PCDH15: variants seen among roughly 807,000 people sequenced by gnomAD.
PCDH15 encodes protocadherin-15.
PCDH15 carries 129 observed loss-of-function variants against 178.5 expected under a neutral mutation model. That is an observed-to-expected ratio of 0.72 (90% confidence interval 0.63 to 0.84). The LOEUF (loss-of-function observed/expected upper bound fraction) is 0.84. Among genes scored for constraint, PCDH15 ranks in the 40% least tolerant of loss-of-function variants. The probability of loss-of-function intolerance (pLI) is 0.00; values close to 1 mark genes in which losing one functional copy is unlikely to be tolerated. For synonymous variants in PCDH15, 800 were observed against 732.0 expected, an observed-to-expected ratio of 1.09 and a Z score of -1.50; for missense variants, 2,230 against 2,099.9, an observed-to-expected ratio of 1.06 and a Z score of -1.21.
At chr10:53,907,280 T>A (rs1027112673) in intron 25 of PCDH15, 3 of 149,546 alleles carry the variant, frequency 2.0e-5, no homozygotes, top group African/African-American at 7.6e-5. Flanking sequence ...TTACAAAAAC[T>A]TTTTTTCCAT....
chr10:55,073,580 T>C (rs1354249803), intron 2 of PCDH15, among the ~76,000 whole-genome samples: 1 of 152,128 alleles, frequency 6.6e-6, no homozygotes, highest in Non-Finnish European at 1.5e-5. Flanking sequence ...TACATCTATC[T>C]TCATCAGGGA....
At chr10:55,595,682 C>G (rs1448829525) in intron 2 of PCDH15, among the ~76,000 whole-genome samples, 2 of 152,008 alleles carry the variant, frequency 1.3e-5, no homozygotes, top group Non-Finnish European at 2.9e-5. Context: ...TTTTTTCTGA[C>G]TTAGAGAATT....
intron 2 of PCDH15, among the ~76,000 whole-genome samples, chr10:55,075,242 C>A (rs1255828806): frequency 6.6e-6 from 1 of 152,050 alleles, no homozygotes; most frequent in African/African-American, 2.4e-5. Context: ...GTGTTCATAA[C>A]AGTCTCTAAT....
At chr10:54,831,308 G>GA (rs1217950502) in intron 3 of PCDH15, among the ~76,000 whole-genome samples, 2 of 151,846 alleles carry the variant, frequency 1.3e-5, no homozygotes, top group Non-Finnish European at 2.9e-5. Flanking sequence ...TGGTGTGACA[G>GA]AAAAAACTTA....
chr10:54,513,273 A>T (rs1264104841), intron 3 of PCDH15, among the ~76,000 whole-genome samples: 3 of 149,552 alleles, frequency 2.0e-5, no homozygotes, highest in Admixed American at 6.7e-5. Flanking sequence ...TTATTTATTT[A>T]TTTATGAGAC....
chr10:54,143,403 G>T (rs899673738), intron 14 of PCDH15, among the ~76,000 whole-genome samples: 1 of 151,920 alleles, frequency 6.6e-6, no homozygotes, highest in African/African-American at 2.4e-5. Context: ...GTTTTGCTTT[G>T]ATCCTTCTCA....
intron 16 of PCDH15, among the ~76,000 whole-genome samples, chr10:54,080,892 T>C (rs1167933392): frequency 6.6e-6 from 1 of 152,158 alleles, no homozygotes; most frequent in African/African-American, 2.4e-5. Context: ...AAGTAAGACA[T>C]GTATTTCTTC....
intron 25 of PCDH15, among the ~76,000 whole-genome samples, chr10:53,908,894 T>A (rs1307323995): frequency 6.6e-6 from 1 of 152,250 alleles, no homozygotes; most frequent in Non-Finnish European, 1.5e-5. Flanking sequence ...ATCAGGAGAT[T>A]GAAGTCAGTT....
At chr10:53,925,124 C>G (rs1038689088) in intron 25 of PCDH15, among the ~76,000 whole-genome samples, 37 of 152,260 alleles carry the variant, frequency 2.4e-4, no homozygotes, top group African/African-American at 7.2e-4. Context: ...CTCTTCCACA[C>G]TGTGGAAGCT....
intron 1 of PCDH15, among the ~76,000 whole-genome samples, chr10:54,798,432 T>A (rs1021867781): frequency 6.6e-6 from 1 of 151,998 alleles, no homozygotes; most frequent in Non-Finnish European, 1.5e-5. Flanking sequence ...ACAAAAATAG[T>A]TTTTGGATGC....
At chr10:55,135,602 A>C (rs1165914170) in intron 2 of PCDH15, among the ~76,000 whole-genome samples, 1 of 45,884 alleles carries the variant, frequency 2.2e-5, no homozygotes, top group Non-Finnish European at 3.5e-5. Flanking sequence ...TTTTTTTTTG[A>C]GACAGAGTCT....
intron 2 of PCDH15, among the ~76,000 whole-genome samples, chr10:55,621,557 T>G (rs1837388268): frequency 1.3e-5 from 2 of 152,148 alleles, no homozygotes; most frequent in African/African-American, 4.8e-5. Context: ...CGGCATTAGA[T>G]TCACATAGGA....
At chr10:54,322,113 A>G (rs1374088115) in intron 7 of PCDH15, among the ~76,000 whole-genome samples, 1 of 152,014 alleles carries the variant, frequency 6.6e-6, no homozygotes, top group Non-Finnish European at 1.5e-5. Context: ...CAGAAAAAAC[A>G]AAACAACCTA....
intron 2 of PCDH15, among the ~76,000 whole-genome samples, chr10:55,467,966 C>CAAAAAAAAAAAAAAAAAAAAAAAA (rs71463104): frequency 4.1e-4 from 15 of 36,634 alleles, no homozygotes; most frequent in East Asian, 5.6e-4. Flanking sequence ...GACTCCGTCT[C>CAAAAAAAAAAAAAAAAAAAAAAAA]AAAAAAAAAA....
chr10:54,026,466 A>T (rs2093097249), intron 18 of PCDH15, among the ~76,000 whole-genome samples: 1 of 152,192 alleles, frequency 6.6e-6, no homozygotes, highest in Non-Finnish European at 1.5e-5. Context: ...GAGTTTCAGA[A>T]TTTTAAATAA....
rs11377394 is a variant in PCDH15, at chr10:54,200,269, C to CTTT, written c.1099-4383_1099-4381dup. ...ATTTATTGTGCATCTACAGAGCCCACTTTTTTTTTTTTTTTTTTTTTGTAT... is the reference window on the plus strand; with the variant it reads ...ATTTATTGTGCATCTACAGAGCCCACTTTTTTTTTTTTTTTTTTTTTTTTGTAT... On this transcript the variant is annotated intron_variant, in intron 10 of 37. Coordinates refer to ENST00000644397, the MANE Select transcript of PCDH15 (RefSeq NM_001384140.1). 6.3e-3 allele frequency among the ~76,000 whole-genome samples: 666 copies of CTTT among 106,006 alleles called. 27 individuals carry two copies. The highest frequency in any genetic ancestry group is 0.012 in the African/African-American group (339 of 27,434). The allele number at this position is 106,006 out of a possible 152,430, so 69.5% of individuals were successfully genotyped here.
At chr10:54,117,812 T>C (rs994274687) in intron 15 of PCDH15, among the ~76,000 whole-genome samples, 1 of 152,002 alleles carries the variant, frequency 6.6e-6, no homozygotes, top group Non-Finnish European at 1.5e-5. Flanking sequence ...GGTGGGTAGC[T>C]CCTATCTGCA....
At chr10:54,493,896 C>A (rs1053717205) in intron 3 of PCDH15, among the ~76,000 whole-genome samples, 4 of 152,016 alleles carry the variant, frequency 2.6e-5, no homozygotes, top group Non-Finnish European at 4.4e-5. Context: ...CCATGGAATA[C>A]TATACAGCCA....
intron 2 of PCDH15, among the ~76,000 whole-genome samples, chr10:55,383,656 T>C (rs1837589006): frequency 6.6e-6 from 1 of 152,184 alleles, no homozygotes; most frequent in Non-Finnish European, 1.5e-5. Flanking sequence ...AAGTAGTTGA[T>C]TAAATCTCAG....
Sources: allele counts gnomAD v4.1 joint callset (sites outside exome capture counted in the v4.1 genomes callset), GRCh38; gene constraint gnomAD v4.1.1; transcripts MANE v1.5; gene names NCBI Gene and HGNC (gene_info 2026-07-23, HGNC 2026-07-21).